The following ZDHHC5 variants were observed in gnomAD, a reference collection of about 807,000 sequenced individuals.
ZDHHC5 encodes zDHHC palmitoyltransferase 5.
Under a neutral mutation model 70.0 loss-of-function variants are expected in ZDHHC5, and 22 were observed. The observed-to-expected ratio is 0.31, with a 90% CI of 0.22 to 0.45. ZDHHC5 has a LOEUF of 0.45. Ranked by LOEUF, ZDHHC5 falls within the 20% of genes least tolerant of loss-of-function variation. ZDHHC5 has a pLI of 1.00. For missense variants in ZDHHC5, 746 were observed against 926.9 expected, an observed-to-expected ratio of 0.80 and a Z score of 2.53; for synonymous variants, 313 against 347.8, an observed-to-expected ratio of 0.90 and a Z score of 1.11.
intron 7 of ZDHHC5, 121 bp downstream of exon 7, chr11:57,692,823 G>T: frequency 1.1e-6 from 1 of 916,934 alleles, no homozygotes; most frequent in Non-Finnish European, 1.6e-6. Context: ...ATCTTAGAAT[G>T]TTAAGTACCC....
At chr11:57,695,811 A>T (rs57903386) in intron 8 of ZDHHC5, 109 bp from the exon 9 acceptor site, 6 of 1,410,608 alleles carry the variant, frequency 4.3e-6, no homozygotes, top group Non-Finnish European at 3.7e-6. Context: ...AAAAAAAAAA[A>T]TACATGAGAA....
chr11:57,674,494 G>T (rs1356277542), intron 2 of ZDHHC5, among the ~76,000 whole-genome samples: 1 of 152,088 alleles, frequency 6.6e-6, no homozygotes, highest in Non-Finnish European at 1.5e-5. Flanking sequence ...AAGTTACTTT[G>T]TCATGGTTCA....
intron 3 of ZDHHC5, among the ~76,000 whole-genome samples, chr11:57,687,547 G>A (rs1946222634): frequency 6.6e-6 from 1 of 151,704 alleles, no homozygotes; most frequent in Non-Finnish European, 1.5e-5. Flanking sequence ...CTCCAGCTTG[G>A]GTAACAGAGC....
At chr11:57,698,150 A>ACACACAC (rs1565199239) in intron 10 of ZDHHC5, among the ~76,000 whole-genome samples, 79 of 116,346 alleles carry the variant, frequency 6.8e-4, no homozygotes, top group Admixed American at 2.2e-3. Flanking sequence ...CACACACACA[A>ACACACAC]ACAAATGCCA....
chr11:57,685,071 G>T (rs7121169), intron 3 of ZDHHC5, among the ~76,000 whole-genome samples: 3 of 151,548 alleles, frequency 2.0e-5, no homozygotes, highest in African/African-American at 7.3e-5. Flanking sequence ...TCGCTTGAGT[G>T]GGGGAGGCAG....
intron 2 of ZDHHC5, among the ~76,000 whole-genome samples, 195 bp downstream of exon 2, chr11:57,673,389 C>T (rs1332332608): frequency 6.6e-6 from 1 of 152,194 alleles, no homozygotes; most frequent in African/African-American, 2.4e-5. Flanking sequence ...ATCAGTTTTA[C>T]TTCGCTGAAT....
intron 8 of ZDHHC5, among the ~76,000 whole-genome samples, 195 bp downstream of exon 8, chr11:57,694,110 G>T (rs764194721): frequency 1.3e-4 from 19 of 150,902 alleles, no homozygotes; most frequent in Non-Finnish European, 1.9e-4. Flanking sequence ...TCCTGCCTCA[G>T]CCTCCCGAGT....
rs141993890 is a variant in ZDHHC5, at chr11:57,693,753, GTCTC to G, written c.753-13_753-10del. ...AAATGAATGAAAGCTCTCTCGCTGT[GTCTC>G]TCTCTCTCTCTCTCTCGACACTTAG... On this transcript the variant is annotated intron_variant, in intron 7 of 11. Transcript: ENST00000287169. 1.3e-3 allele frequency: 1,807 copies of G among 1,387,072 alleles called. 1 individual carries two copies. Among genetic ancestry groups the G allele is most frequent in the Admixed American group, 3.5e-3 (144 of 41,234 alleles). 85.9% of individuals were successfully genotyped at this position (1,387,072 alleles called of 1,614,324 possible). A position where few individuals can be genotyped will look rare whatever the true frequency, so the allele number is the denominator to read the frequency against.
intron 4 of ZDHHC5, among the ~76,000 whole-genome samples, chr11:57,688,994 G>A (rs541323285): frequency 6.6e-6 from 1 of 152,284 alleles, no homozygotes; most frequent in East Asian, 1.9e-4. Context: ...CTCCCAGAGT[G>A]CTGAGTGCTG....
chr11:57,679,887 A>G (rs140565627), intron 2 of ZDHHC5, among the ~76,000 whole-genome samples: 3 of 152,176 alleles, frequency 2.0e-5, no homozygotes, highest in African/African-American at 7.2e-5. Context: ...CTAGGAGCAA[A>G]TATTGTCCAT....
chr11:57,694,471 C>A (rs1039399466), intron 8 of ZDHHC5, among the ~76,000 whole-genome samples: 2 of 151,926 alleles, frequency 1.3e-5, no homozygotes, highest in Non-Finnish European at 2.9e-5. Flanking sequence ...AAGCGATTCT[C>A]GTGCCTCAGC....
In ZDHHC5 at chr11:57,699,745, G is replaced by T. The variant is rs1590874574; in HGVS notation, c.1983-121G>T. On this transcript the variant is annotated intron_variant, in intron 11 of 11. Transcript: ENST00000287169. ...GCAGGGCAATAAAGGGGAATGTTTG[G>T]GTAAGAAAGTATGGATATAGAAAAG... is the stretch of plus-strand genomic sequence containing the variant. 25 of 1,313,070 alleles carry T rather than the reference G, an allele frequency of 1.9e-5. No homozygotes were observed. In the East Asian group the frequency reaches 6.2e-4, roughly 33 times the overall value. The allele number at this position is 1,313,070 out of a possible 1,614,324, so 81.3% of individuals were successfully genotyped here.
rs766593179 is a variant in ZDHHC5, at chr11:57,698,985, C to T, written c.1549C>T (p.Arg517Cys). The change falls in exon 11 of 12, where the codon CGT (arginine) becomes TGT (cysteine). Residue 517 changes from arginine (R) to cysteine (C), a missense_variant. By Grantham distance (180) the Arg-to-Cys change is radical. Coordinates refer to ENST00000287169, the MANE Select transcript of ZDHHC5 (RefSeq NM_015457.3). Reference protein sequence around the residue: ...AQQREAERHPRLVPTGPTHRE... With the variant: ...AQQREAERHPCLVPTGPTHRE... Reference sequence around the variant, plus strand: ...GCAACGGGAAGCTGAGAGGCACCCACGTTTGGTGCCAACTGGCCCAACACA... The same window carrying T: ...GCAACGGGAAGCTGAGAGGCACCCATGTTTGGTGCCAACTGGCCCAACACA... The T allele has an allele frequency of 6.2e-6, 10 of 1,610,914 alleles. No individual in the cohort carries two copies. In the East Asian group the frequency reaches 6.7e-5, roughly 11 times the overall value.
chr11:57,669,552 G>C (rs1945975562), intron 1 of ZDHHC5, among the ~76,000 whole-genome samples: 1 of 152,154 alleles, frequency 6.6e-6, no homozygotes, highest in African/African-American at 2.4e-5. Flanking sequence ...CACCTCCCGG[G>C]TTCAAGCGAT....
chr11:57,669,834 C>T (rs1945981331), intron 1 of ZDHHC5, among the ~76,000 whole-genome samples: 1 of 152,208 alleles, frequency 6.6e-6, no homozygotes. Flanking sequence ...CATACTCACC[C>T]TTGTGGTTTC....
intron 3 of ZDHHC5, among the ~76,000 whole-genome samples, chr11:57,684,833 T>G (rs992822280): frequency 1.3e-5 from 2 of 152,198 alleles, no homozygotes; most frequent in African/African-American, 2.4e-5. Flanking sequence ...CTGGCAACTC[T>G]GCTGAGATGA....
At chr11:57,685,732 A>G (rs990514026) in intron 3 of ZDHHC5, among the ~76,000 whole-genome samples, 6 of 152,154 alleles carry the variant, frequency 3.9e-5, no homozygotes, top group African/African-American at 1.4e-4. Flanking sequence ...ACCTCTATAA[A>G]CAAATACACC....
intron 3 of ZDHHC5, among the ~76,000 whole-genome samples, chr11:57,684,004 C>T (rs1379908958): frequency 6.8e-6 from 1 of 146,592 alleles, no homozygotes; most frequent in Non-Finnish European, 1.5e-5. Context: ...CAGCGTCTCA[C>T]TCTGTTGCCC....
chr11:57,697,791 C>T (rs888563592), intron 10 of ZDHHC5, among the ~76,000 whole-genome samples: 5 of 135,048 alleles, frequency 3.7e-5, no homozygotes, highest in African/African-American at 1.4e-4. Flanking sequence ...GCTCCCACTG[C>T]TGTATTCCAG....
Sources: allele counts gnomAD v4.1 joint callset (sites outside exome capture counted in the v4.1 genomes callset), GRCh38; gene constraint gnomAD v4.1.1; transcripts MANE v1.5; gene names NCBI Gene and HGNC (gene_info 2026-07-23, HGNC 2026-07-21).